LGSN: variants seen among roughly 807,000 people sequenced by gnomAD.
The protein encoded by LGSN is lengsin.
In LGSN, 21 loss-of-function variants were observed where a neutral mutation model predicts 19.5. The observed-to-expected ratio is 1.07, with a 90% CI of 0.76 to 1.55. The LOEUF (loss-of-function observed/expected upper bound fraction) is 1.55, where lower values mean the gene tolerates loss of function less well. LGSN is among the 40% of genes most tolerant of loss of function. The probability of loss-of-function intolerance (pLI) is 0.00; values close to 1 mark genes in which losing one functional copy is unlikely to be tolerated. For synonymous variants in LGSN, 257 were observed against 215.6 expected (o/e 1.19, Z -1.68); for missense variants, 673 against 608.5 (o/e 1.11, Z -1.12).
chr6:63,388,457 T>C, the LGSN span, among the ~76,000 whole-genome samples: 1 of 152,098 alleles, frequency 6.6e-6, no homozygotes, highest in Non-Finnish European at 1.5e-5. Flanking sequence ...TAAGTTAAAA[T>C]GAGGCCAGTT....
At chr6:63,394,492 A>T in the LGSN span, among the ~76,000 whole-genome samples, 1 of 152,156 alleles carries the variant, frequency 6.6e-6, no homozygotes, top group African/African-American at 2.4e-5. Context: ...AGGGGGAGGA[A>T]CCCTCAGTTC....
the LGSN span, among the ~76,000 whole-genome samples, chr6:63,506,312 G>T: frequency 2.7e-4 from 41 of 152,078 alleles, no homozygotes; most frequent in Non-Finnish European, 1.5e-4. Flanking sequence ...CACCCAGGCT[G>T]GAGTGCAATG....
At chr6:63,429,458 A>G in the LGSN span, among the ~76,000 whole-genome samples, 1 of 152,102 alleles carries the variant, frequency 6.6e-6, no homozygotes. Context: ...AATCTGGGCC[A>G]GGTGTGGTGG....
chr6:63,506,417 C>G, the LGSN span, among the ~76,000 whole-genome samples: 1 of 152,058 alleles, frequency 6.6e-6, no homozygotes, highest in Non-Finnish European at 1.5e-5. Flanking sequence ...GTGCCCACCA[C>G]CACGCCCGGC....
the LGSN span, among the ~76,000 whole-genome samples, chr6:63,353,347 T>G: frequency 6.6e-6 from 1 of 152,190 alleles, no homozygotes; most frequent in East Asian, 1.9e-4. Context: ...CCTTAGTACC[T>G]AACAGGGTCT....
chr6:63,313,019 G>A (rs922763938), intron 1 of LGSN, among the ~76,000 whole-genome samples: 16 of 152,012 alleles, frequency 1.1e-4, no homozygotes, highest in African/African-American at 3.9e-4. Context: ...AAATGTAAAA[G>A]ACAAAATGGA....
the LGSN span, among the ~76,000 whole-genome samples, chr6:63,539,781 T>C: frequency 6.8e-6 from 1 of 146,960 alleles, no homozygotes; most frequent in Non-Finnish European, 1.5e-5. Context: ...AAAAAAAAAA[T>C]TGGCAAAGGA....
chr6:63,458,502 A>T, the LGSN span, among the ~76,000 whole-genome samples: 1 of 152,186 alleles, frequency 6.6e-6, no homozygotes, highest in Non-Finnish European at 1.5e-5. Flanking sequence ...CTTCCTTCAG[A>T]ACAAAGGGTA....
the LGSN span, among the ~76,000 whole-genome samples, chr6:63,502,026 C>T: frequency 6.6e-6 from 1 of 152,146 alleles, no homozygotes; most frequent in Non-Finnish European, 1.5e-5. Flanking sequence ...TCTTGAACTC[C>T]TGGGCTCAAG....
the LGSN span, among the ~76,000 whole-genome samples, chr6:63,412,771 G>GAAAGAAAGAAAGAGAAA: frequency 1.3e-3 from 45 of 34,294 alleles, no homozygotes; most frequent in Non-Finnish European, 1.8e-3. Context: ...AAGAAAGAAA[G>GAAAGAAAGAAAGAGAAA]GAAGGAAGGG....
chr6:63,375,979 G>A, the LGSN span, among the ~76,000 whole-genome samples: 1 of 151,930 alleles, frequency 6.6e-6, no homozygotes. Context: ...ATTTTGCCTA[G>A]GGATTAAGTA....
chr6:63,335,086 G>C, the LGSN span, among the ~76,000 whole-genome samples: 2 of 150,076 alleles, frequency 1.3e-5, no homozygotes, highest in Non-Finnish European at 3.0e-5. Flanking sequence ...GGAGGTTGCA[G>C]TGAGCCGAGA....
chr6:63,504,762 C>T, the LGSN span, among the ~76,000 whole-genome samples: 1 of 152,164 alleles, frequency 6.6e-6, no homozygotes, highest in African/African-American at 2.4e-5. Context: ...TTTTTTATGA[C>T]CATTCTGAAA....
chr6:63,420,130 G>A, the LGSN span, among the ~76,000 whole-genome samples: 3 of 151,378 alleles, frequency 2.0e-5, no homozygotes, highest in East Asian at 2.0e-4. Context: ...GTGAACTCGG[G>A]AGGCGGAGCT....
At chr6:63,382,526 G>A in the LGSN span, among the ~76,000 whole-genome samples, 1 of 152,188 alleles carries the variant, frequency 6.6e-6, no homozygotes, top group Non-Finnish European at 1.5e-5. Flanking sequence ...AGATGACACA[G>A]AAGCATGTTT....
the LGSN span, among the ~76,000 whole-genome samples, chr6:63,435,908 TAAAAA>T: frequency 0.016 from 2,265 of 138,300 alleles, 16 homozygotes; most frequent in Middle Eastern, 0.026. Context: ...TCATCCAAAT[TAAAAA>T]AAAAAAAAAA....
chr6:63,437,242 G>A, the LGSN span, among the ~76,000 whole-genome samples: 1 of 151,818 alleles, frequency 6.6e-6, no homozygotes, highest in East Asian at 1.9e-4. Flanking sequence ...TGAAAGGAAA[G>A]GAACTGCACC....
chr6:63,342,035 AG>A, the LGSN span, among the ~76,000 whole-genome samples: 1 of 152,212 alleles, frequency 6.6e-6, no homozygotes, highest in Non-Finnish European at 1.5e-5. Flanking sequence ...TCTAGTTTCC[AG>A]GGGTAAAAGT....
chr6:63,308,645 T>C (rs1768497116), intron 1 of LGSN, among the ~76,000 whole-genome samples: 1 of 152,002 alleles, frequency 6.6e-6, no homozygotes, highest in Admixed American at 6.6e-5. Flanking sequence ...GACCCCTATA[T>C]AATAGTTATA....
Sources: gnomAD v4.1 joint callset for allele counts (sites outside exome capture counted in the v4.1 genomes callset) on GRCh38, gnomAD v4.1.1 for gene constraint, MANE v1.5 for transcripts, NCBI Gene and HGNC (gene_info 2026-07-23, HGNC 2026-07-21) for gene names.